The following EPN3 variants were observed in gnomAD, a reference collection of about 807,000 sequenced individuals.
EPN3 encodes the protein epsin 3.
Under a neutral mutation model 55.5 loss-of-function variants are expected in EPN3, and 56 were observed. The observed-to-expected ratio is 1.01, with a 90% confidence interval of 0.81 to 1.26. EPN3 has a LOEUF of 1.26. Among genes scored for constraint, EPN3 ranks in the 50% most tolerant of loss-of-function variants. The pLI, the probability that EPN3 is intolerant of heterozygous loss-of-function variation, is 0.00. For missense variants in EPN3, 927 were observed against 853.4 expected (o/e 1.09, Z -1.07); for synonymous variants, 449 against 375.2 (o/e 1.20, Z -2.27).
chr17:50,536,051 G>A (rs145434758), intron 1 of EPN3: 259 of 168,338 alleles, frequency 1.5e-3, no homozygotes, highest in South Asian at 6.8e-3. Context: ...TTGCCCAGTG[G>A]CCTGACCATG....
At position 50,543,025 on chromosome 17, in the gene EPN3, T is replaced by A. The variant is rs545013408; in HGVS notation, c.*868T>A. ...AGTCAGACAGTCTGGCTCCAAGGCC[T>A]GGAGATCCCAGGCTGGGCCCCAGAT... On this transcript the variant is annotated 3_prime_UTR_variant, in exon 10 of 10. Transcript: ENST00000268933. 1 of 152,366 alleles carries A rather than the reference T, an allele frequency of 6.6e-6. No homozygotes were observed. The highest frequency in any genetic ancestry group is 2.1e-4 in the South Asian group (1 of 4,834). The allele number at this position is 152,366 out of a possible 1,614,324, so 9.4% of individuals were successfully genotyped here. A position where few individuals can be genotyped will look rare whatever the true frequency, so the allele number is the denominator to read the frequency against.
chr17:50,541,033 G>A lies in EPN3; in HGVS notation c.1220G>A (p.Gly407Glu). The A allele has an allele frequency of 6.3e-7, 1 of 1,591,574 alleles. No homozygotes were observed. The highest frequency in any genetic ancestry group is 2.2e-5 in the East Asian group (1 of 44,572). The change falls in exon 7 of 10, where the codon GGA becomes GAA. Residue 407 changes from glycine to glutamate, a missense_variant. Transcript: ENST00000268933. ...CCCAGCACTGGGGCTGACCCTTGGG[G>A]AGCCTCCCTGGAGACCTCCGACACA... Reference protein sequence around the residue: ...KLPSTGADPWGASLETSDTPG... With the variant: ...KLPSTGADPWEASLETSDTPG...
At chr17:50,537,243 G>A in intron 2 of EPN3, 125 bp downstream of exon 2, 1 of 1,042,396 alleles carries the variant, frequency 9.6e-7, no homozygotes, top group South Asian at 1.7e-5. Flanking sequence ...CAGACATAAG[G>A]AATGTAACAC....
At chr17:50,533,777 C>G (rs535080839) in intron 1 of EPN3, among the ~76,000 whole-genome samples, 1 of 149,506 alleles carries the variant, frequency 6.7e-6, no homozygotes, top group African/African-American at 2.4e-5. Flanking sequence ...TGGCCCTGCT[C>G]CCATCCCCTC....
chr17:50,542,175 A>G lies in EPN3; in HGVS notation c.*18A>G, dbSNP rs1018332366. 7 of 1,469,674 alleles carry G rather than the reference A, an allele frequency of 4.8e-6. No individual in the cohort carries two copies. Among genetic ancestry groups the G allele is most frequent in the Middle Eastern group, 4.6e-4 (2 of 4,304 alleles). The allele number at this position is 1,469,674 out of a possible 1,614,324, so 91.0% of individuals were successfully genotyped here. A position where few individuals can be genotyped will look rare whatever the true frequency, so the allele number is the denominator to read the frequency against. On this transcript the variant is annotated 3_prime_UTR_variant, in exon 10 of 10. Coordinates refer to ENST00000268933, the MANE Select transcript of EPN3 (RefSeq NM_017957.3). ...TCCTCTGAGCCCCGCCCCGTCCCAT[A>G]CCGGCCTGCGCCTGCGCCGGACGCT...
At chr17:50,535,566 T>G (rs930340939) in intron 1 of EPN3, among the ~76,000 whole-genome samples, 1 of 152,204 alleles carries the variant, frequency 6.6e-6, no homozygotes, top group Non-Finnish European at 1.5e-5. Context: ...TCCTCCTTAC[T>G]CTTCCCTTGT....
chr17:50,541,575 A>T lies in EPN3; in HGVS notation c.1466A>T (p.Glu489Val). 1 of 1,614,178 alleles carries T rather than the reference A, an allele frequency of 6.2e-7. No individual in the cohort carries two copies. Among genetic ancestry groups the T allele is most frequent in the South Asian group, 1.1e-5 (1 of 91,086 alleles). Residue 489 changes from glutamate (E) to valine (V), a missense_variant, in exon 9 of 10, where the codon GAG (glutamate) becomes GTG (valine). By Grantham distance (121) the Glu-to-Val change is moderately radical (BLOSUM62 -2). Transcript: ENST00000268933. ...GAAGCACTAACCCAGCCAAGCAAAG[A>T]GGCCCGAGCTTGCCGGACTCCCGAG... ...LGEALTQPSK[E>V]ARACRTPESF...
chr17:50,541,923 C>G lies in EPN3; in HGVS notation c.1665C>G (p.Gly555=), dbSNP rs2034855317. The change falls in exon 10 of 10, where the codon GGC becomes GGG. Residue 555 remains glycine, a synonymous_variant. Coordinates refer to ENST00000268933, the MANE Select transcript of EPN3 (RefSeq NM_017957.3). ...GRPTLNQMRT[G]SPALGLAGGP... is the part of the protein sequence containing the mutation. ...CGACGCTAAACCAGATGCGCACCGG[C>G]TCGCCGGCGCTGGGCCTGGCAGGCG... 6.2e-7 allele frequency: 1 copy of G among 1,600,526 alleles called. No individual in the cohort carries two copies. Among genetic ancestry groups the G allele is most frequent in the Non-Finnish European group, 8.5e-7 (1 of 1,178,438 alleles).
Position 50,538,955 on chromosome 17 carries a change from G to A in EPN3, c.753G>A (p.Glu251=). Residue 251 remains glutamate, a synonymous_variant, in exon 4 of 10, where the codon GAG becomes GAA. Transcript: ENST00000268933. The part of the protein sequence containing the change: ...LQLALRLSRQ[E]HEKEVRSWQG... ...TGGCTCTGCGCCTGAGCCGGCAGGA[G>A]CACGAGAAGGTAGTGGGCCGAGCCC... 6.2e-7 allele frequency: 1 copy of A among 1,605,270 alleles called. No homozygotes were observed.
At chr17:50,533,788 A>C (rs962565606) in intron 1 of EPN3, among the ~76,000 whole-genome samples, 1 of 139,280 alleles carries the variant, frequency 7.2e-6, no homozygotes, top group Non-Finnish European at 1.6e-5. Flanking sequence ...CCATCCCCTC[A>C]GCTTCCTCCC....
intron 1 of EPN3, among the ~76,000 whole-genome samples, chr17:50,535,186 T>G (rs1567902791): frequency 6.6e-6 from 1 of 152,168 alleles, no homozygotes; most frequent in Non-Finnish European, 1.5e-5. Flanking sequence ...TTTTGGGGCT[T>G]TGGAGAACCC....
At position 50,542,182 on chromosome 17, in the gene EPN3, T is replaced by C. The variant is rs749235428; in HGVS notation, c.*25T>C. ...AGCCCCGCCCCGTCCCATACCGGCC[T>C]GCGCCTGCGCCGGACGCTCCGCGGC... On this transcript the variant is annotated 3_prime_UTR_variant, in exon 10 of 10. Coordinates refer to ENST00000268933, the MANE Select transcript of EPN3 (RefSeq NM_017957.3). 184 of 1,451,498 alleles carry C rather than the reference T, an allele frequency of 1.3e-4. No homozygotes were observed. The highest frequency in any genetic ancestry group is 1.5e-4 in the Non-Finnish European group (168 of 1,112,140). The allele number at this position is 1,451,498 out of a possible 1,614,324, so 89.9% of individuals were successfully genotyped here. A position where few individuals can be genotyped will look rare whatever the true frequency, so the allele number is the denominator to read the frequency against.
Position 50,538,242 on chromosome 17 carries a change from G to C in EPN3, c.681+45G>C, listed in dbSNP as rs370538423. ...CTGCGGTGGGGAGGGGATGGGCTAG[G>C]GGGAGAGAGTGCCTGGGAGCCCCTT... is the stretch of plus-strand genomic sequence containing the variant. On this transcript the variant is annotated intron_variant, in intron 3 of 9. Transcript: ENST00000268933. 3.3e-6 allele frequency: 5 copies of C among 1,511,320 alleles called. No individual in the cohort carries two copies. In the African/African-American group the frequency reaches 5.5e-5, roughly 17 times the overall value. The allele number at this position is 1,511,320 out of a possible 1,614,324, so 93.6% of individuals were successfully genotyped here.
At chr17:50,537,463 G>C (rs767229067) in intron 2 of EPN3, 2 of 341,582 alleles carry the variant, frequency 5.9e-6, no homozygotes. Flanking sequence ...TTCCTCATCT[G>C]TACAGTGGGG....
chr17:50,536,226 T>A (rs576865983), intron 1 of EPN3, 195 bp from the exon 2 acceptor site: 4 of 339,174 alleles, frequency 1.2e-5, no homozygotes, highest in Non-Finnish European at 2.2e-5. Context: ...CTTTGGGGTG[T>A]GGCTGTGAAG....
chr17:50,541,293 G>A lies in EPN3; in HGVS notation c.1314G>A (p.Leu438=), dbSNP rs1224267050. The A allele has an allele frequency of 6.2e-7, 1 of 1,613,350 alleles. No homozygotes were observed. Among genetic ancestry groups the A allele is most frequent in the African/African-American group, 1.3e-5 (1 of 75,036 alleles). The change falls in exon 8 of 10, where the codon CTG becomes CTA. Residue 438 remains leucine (L), a synonymous_variant. Coordinates refer to ENST00000268933, the MANE Select transcript of EPN3 (RefSeq NM_017957.3). ...PPESTETKEG[L]EQALPSGKPS... is the part of the protein sequence containing the mutation. ...AATCCACAGAGACCAAGGAGGGGCT[G>A]GAGCAGGCCCTGCCCTCTGGGAAGC...
chr17:50,535,387 CCT>C (rs1335032882), intron 1 of EPN3, among the ~76,000 whole-genome samples: 16 of 152,306 alleles, frequency 1.1e-4, no homozygotes, highest in African/African-American at 3.9e-4. Context: ...GGTCCCATCC[CCT>C]CTCTGGCCTC....
intron 1 of EPN3, among the ~76,000 whole-genome samples, chr17:50,535,797 A>AC (rs2034751095): frequency 6.6e-6 from 1 of 152,210 alleles, no homozygotes; most frequent in Non-Finnish European, 1.5e-5. Flanking sequence ...TCAAACTACA[A>AC]AAATTAACAA....
In EPN3 at chr17:50,541,471, C is replaced by T. The variant is rs896182280; in HGVS notation, c.1362C>T (p.Asp454=). ...SGKPSSPVEL[D]LFGDPSPSSK... is the part of the protein sequence containing the mutation. ...CTAGCATTTCTATTCCAGAGCTGGA[C>T]CTGTTTGGAGACCCCAGCCCCAGTT... Residue 454 remains aspartate (D), a synonymous_variant, in exon 9 of 10, where the codon GAC becomes GAT. Coordinates refer to ENST00000268933, the MANE Select transcript of EPN3 (RefSeq NM_017957.3). The T allele has an allele frequency of 6.2e-7, 1 of 1,613,994 alleles. No homozygotes were observed. The highest frequency in any genetic ancestry group is 1.1e-5 in the South Asian group (1 of 91,082).
Sources: allele counts gnomAD v4.1 joint callset (sites outside exome capture counted in the v4.1 genomes callset), GRCh38; gene constraint gnomAD v4.1.1; transcripts MANE v1.5; gene names NCBI Gene and HGNC (gene_info 2026-07-23, HGNC 2026-07-21).